The following SNX19 variants were observed in gnomAD, a reference collection of about 807,000 sequenced individuals.
The protein encoded by SNX19 is sorting nexin-19.
In SNX19, 60 loss-of-function variants were observed where a neutral mutation model predicts 85.2. The observed-to-expected ratio is 0.70, with a 90% confidence interval of 0.57 to 0.87. The LOEUF (loss-of-function observed/expected upper bound fraction) is 0.87. Among genes scored for constraint, SNX19 ranks in the 40% least tolerant of loss-of-function variants. SNX19 has a pLI of 0.00. For synonymous variants in SNX19, 520 were observed against 470.0 expected (o/e 1.11, Z -1.38); for missense variants, 1,201 against 1,217.8 (o/e 0.99, Z 0.21).
rs774977610 is a variant in SNX19, at chr11:130,914,524, T to C, written c.1416A>G (p.Pro472=). Residue 472 remains proline (P), a synonymous_variant, in exon 1 of 11, where the codon CCA becomes CCG. Coordinates refer to ENST00000265909, the MANE Select transcript of SNX19 (RefSeq NM_014758.3). ...TASVTALLEG[P]EKTCPSRPSC... is the part of the protein sequence containing the mutation. ...ACGGCCGTGAGGGGCAGGTCTTTTC[T>C]GGCCCCTCCAGCAAAGCTGTAACAG... 9 of 1,613,878 alleles carry C rather than the reference T, an allele frequency of 5.6e-6. No individual in the cohort carries two copies. In the Admixed American group the frequency reaches 6.7e-5, roughly 12 times the overall value.
Position 130,878,276 on chromosome 11 carries a change from G to A in SNX19, c.*146C>T. 1 of 820,538 alleles carries A rather than the reference G, an allele frequency of 1.2e-6. No homozygotes were observed. Among genetic ancestry groups the A allele is most frequent in the South Asian group, 2.3e-5 (1 of 43,858 alleles). 50.8% of individuals were successfully genotyped at this position (820,538 alleles called of 1,614,324 possible). A position where few individuals can be genotyped will look rare whatever the true frequency, so the allele number is the denominator to read the frequency against. ...AGACCCCTGTCACCTGCTACAAATG[G>A]AGCAGAAGTGGGAGAGAAGTGAGCC... On this transcript the variant is annotated 3_prime_UTR_variant, in exon 11 of 11. Coordinates refer to ENST00000265909, the MANE Select transcript of SNX19 (RefSeq NM_014758.3).
chr11:130,893,268 TTAGAGTG>T (rs1424533699), intron 8 of SNX19, among the ~76,000 whole-genome samples: 1 of 152,056 alleles, frequency 6.6e-6, no homozygotes, highest in Non-Finnish European at 1.5e-5. Context: ...GATAACAGAT[TTAGAGTG>T]TGCTCAGCCA....
chr11:130,893,998 C>A (rs1944688557), intron 8 of SNX19: 1 of 574,566 alleles, frequency 1.7e-6, no homozygotes, highest in Non-Finnish European at 3.1e-6. Flanking sequence ...TTCTCCAAAA[C>A]CAAGTTAATG....
In SNX19 at chr11:130,870,585, CAA is replaced by C. The variant is rs933655340; in HGVS notation, c.*7835_*7836del. Among the ~76,000 whole-genome samples the C allele has an allele frequency of 2.0e-5, 3 of 152,202 alleles. No individual in the cohort carries two copies. The highest frequency in any genetic ancestry group is 7.2e-5 in the African/African-American group (3 of 41,450). On this transcript the variant is annotated 3_prime_UTR_variant, in exon 11 of 11. Coordinates refer to ENST00000265909, the MANE Select transcript of SNX19 (RefSeq NM_014758.3). ...CTCCACTGGAATAAGTGGTTAATCT[CAA>C]AGAGGTTTACGGTGGTTTCTCCACA... is the stretch of plus-strand genomic sequence containing the variant.
Position 130,902,896 on chromosome 11 carries a change from A to G in SNX19, c.2573+359T>C, listed in dbSNP as rs75274170. ...CACTGTTTATCATCACAGTGATGAC[A>G]TAATGTCAGTTGAGACAAATGTCCA... On this transcript the variant is annotated intron_variant, in intron 8 of 10. Coordinates refer to ENST00000265909, the MANE Select transcript of SNX19 (RefSeq NM_014758.3). 1.2e-3 allele frequency among the ~76,000 whole-genome samples: 184 copies of G among 152,340 alleles called. 3 individuals are homozygous for G. In the East Asian group the frequency reaches 0.024, roughly 20 times the overall value.
rs542818287 is a variant in SNX19, at chr11:130,872,280, G to A, written c.*6142C>T. 2.0e-5 allele frequency among the ~76,000 whole-genome samples: 3 copies of A among 152,236 alleles called. No homozygotes were observed. The highest frequency in any genetic ancestry group is 1.3e-4 in the Admixed American group (2 of 15,298). The stretch of plus-strand genomic sequence containing the variant: ...GACAGGGAGGCAGTGCAAAGGCTCC[G>A]CAAGTCTGAAAATAGCATAGTGTGT... On this transcript the variant is annotated 3_prime_UTR_variant, in exon 11 of 11. Coordinates refer to ENST00000265909, the MANE Select transcript of SNX19 (RefSeq NM_014758.3).
At chr11:130,886,425 C>T (rs184551309) in intron 8 of SNX19, among the ~76,000 whole-genome samples, 3 of 152,244 alleles carry the variant, frequency 2.0e-5, no homozygotes, top group African/African-American at 7.2e-5. Flanking sequence ...TTGAAAAACA[C>T]TCATGCAGTG....
intron 7 of SNX19, among the ~76,000 whole-genome samples, chr11:130,905,131 T>C (rs1945565139): frequency 6.6e-6 from 1 of 152,252 alleles, no homozygotes; most frequent in South Asian, 2.1e-4. Flanking sequence ...TTTTAAGTTC[T>C]TGTTCAGTAA....
chr11:130,910,156 C>G lies in SNX19; in HGVS notation c.1915-19G>C. On this transcript the variant is annotated intron_variant, in intron 3 of 10. Coordinates refer to ENST00000265909, the MANE Select transcript of SNX19 (RefSeq NM_014758.3). ...AGAGTTGCTGCAAAAGTAAAACACA[C>G]ACACATTTTAAAGAGAAATTCCAGT... The G allele has an allele frequency of 6.2e-7, 1 of 1,614,098 alleles. No individual in the cohort carries two copies. The highest frequency in any genetic ancestry group is 8.5e-7 in the Non-Finnish European group (1 of 1,179,990).
In SNX19 at chr11:130,876,112, TTAAA is replaced by T. The variant is rs1348000907; in HGVS notation, c.*2306_*2309del. ...TTATTTCAAATATCAAAATTCTGAC[TTAAA>T]TGAATAAAATTTAGTCACGAGTAAA... On this transcript the variant is annotated 3_prime_UTR_variant, in exon 11 of 11. Transcript: ENST00000265909. The T allele has an allele frequency of 6.6e-6, 1 of 152,204 alleles. No homozygotes were observed. Among genetic ancestry groups the T allele is most frequent in the African/African-American group, 2.4e-5 (1 of 41,452 alleles). The allele number at this position is 152,204 out of a possible 1,614,324, so 9.4% of individuals were successfully genotyped here. A position where few individuals can be genotyped will look rare whatever the true frequency, so the allele number is the denominator to read the frequency against.
chr11:130,916,100 CGA>C lies in SNX19; in HGVS notation c.-163_-162del, dbSNP rs1946568725. ...TCAAAGTCCTACAGGCACTGCAAAG[CGA>C]CAGCTGCAGCTCCGCGTCTCCCCAT... On this transcript the variant is annotated 5_prime_UTR_variant, in exon 1 of 11. An upstream open reading frame in the 5' UTR loses its in-frame stop. Transcript: ENST00000265909. The C allele has an allele frequency of 1.6e-6, 1 of 631,458 alleles. No individual in the cohort carries two copies. Among genetic ancestry groups the C allele is most frequent in the Non-Finnish European group, 2.7e-6 (1 of 364,538 alleles). 39.1% of individuals were successfully genotyped at this position (631,458 alleles called of 1,614,324 possible). A position where few individuals can be genotyped will look rare whatever the true frequency, so the allele number is the denominator to read the frequency against.
rs1254350937 is a variant in SNX19, at chr11:130,870,832, G to C, written c.*7590C>G. ...TAGGTATATACATATAGTTGGGGGG[G>C]GGGCATAAGGACATAATAGGACTAA... On this transcript the variant is annotated 3_prime_UTR_variant, in exon 11 of 11. Transcript: ENST00000265909. Among the ~76,000 whole-genome samples, 3 of 151,380 alleles carry C rather than the reference G, an allele frequency of 2.0e-5. No homozygotes were observed. Among genetic ancestry groups the C allele is most frequent in the Admixed American group, 1.3e-4 (2 of 15,210 alleles).
At position 130,910,250 on chromosome 11, in the gene SNX19, C is replaced by G; in HGVS notation, c.1914+20G>C. 6.2e-7 allele frequency: 1 copy of G among 1,612,940 alleles called. No homozygotes were observed. The highest frequency in any genetic ancestry group is 1.1e-5 in the South Asian group (1 of 90,960). ...ACCCAGGTTAAAGTGAGAACAAGGC[C>G]AAAAGAGAAGGATGCTGACCTTTAG... On this transcript the variant is annotated intron_variant, in intron 3 of 10. Transcript: ENST00000265909.
At chr11:130,882,821 T>A (rs1334989798) in intron 8 of SNX19, among the ~76,000 whole-genome samples, 1 of 152,206 alleles carries the variant, frequency 6.6e-6, no homozygotes, top group Non-Finnish European at 1.5e-5. Flanking sequence ...CTGCAATTTT[T>A]GCTGAGGAGA....
In SNX19 at chr11:130,876,564, T is replaced by C. The variant is rs1028648323; in HGVS notation, c.*1858A>G. On this transcript the variant is annotated 3_prime_UTR_variant, in exon 11 of 11. Coordinates refer to ENST00000265909, the MANE Select transcript of SNX19 (RefSeq NM_014758.3). Reference sequence around the variant, plus strand: ...CATTTGAGCCAGAACTGGCAGCAGATTCAAAGCAACACAGGTGGCTAAGTA... The same window carrying C: ...CATTTGAGCCAGAACTGGCAGCAGACTCAAAGCAACACAGGTGGCTAAGTA... 1 of 151,700 alleles carries C rather than the reference T, an allele frequency of 6.6e-6. No individual in the cohort carries two copies. Among genetic ancestry groups the C allele is most frequent in the Non-Finnish European group, 1.5e-5 (1 of 67,950 alleles). The allele number at this position is 151,700 out of a possible 1,614,324, so 9.4% of individuals were successfully genotyped here.
intron 4 of SNX19, chr11:130,908,305 A>G (rs1945832095): frequency 2.7e-6 from 1 of 376,570 alleles, no homozygotes; most frequent in South Asian, 8.8e-5. Flanking sequence ...TTGAGGAGTA[A>G]AACAAACAAC....
chr11:130,882,196 C>A (rs1943725296), intron 8 of SNX19, among the ~76,000 whole-genome samples: 1 of 152,148 alleles, frequency 6.6e-6, no homozygotes, highest in Non-Finnish European at 1.5e-5. Flanking sequence ...CTGTTGAGGC[C>A]TCCCCTTCAC....
intron 2 of SNX19, among the ~76,000 whole-genome samples, 197 bp from the exon 3 acceptor site, chr11:130,910,567 G>A (rs1946028526): frequency 1.3e-5 from 2 of 152,112 alleles, no homozygotes; most frequent in Non-Finnish European, 2.9e-5. Flanking sequence ...GGGCTCTGAA[G>A]TCCAGAGACC....
In SNX19 at chr11:130,880,693, G is replaced by C; in HGVS notation, c.2687C>G (p.Pro896Arg). 1 of 1,612,558 alleles carries C rather than the reference G, an allele frequency of 6.2e-7. No individual in the cohort carries two copies. The highest frequency in any genetic ancestry group is 8.5e-7 in the Non-Finnish European group (1 of 1,178,836). The change falls in exon 9 of 11, where the codon CCC becomes CGC. Residue 896 changes from proline to arginine, a missense_variant. Physicochemically the swap from Pro to Arg is moderately radical, Grantham distance 103 (BLOSUM62 -2). This residue lies in a region of SNX19 where 285 missense variants were observed against 295.3 expected (regional missense o/e 0.97). Coordinates refer to ENST00000265909, the MANE Select transcript of SNX19 (RefSeq NM_014758.3). ...CAGTTTCTGCTCTTGGGTCCTTACG[G>C]GCCGTGGAAACTTAGGCAAAACTCC... is the stretch of plus-strand genomic sequence containing the variant. ...PGGVLPKFPR[P>R]VRTQEQKLAA...
Sources: allele counts gnomAD v4.1 joint callset (sites outside exome capture counted in the v4.1 genomes callset), GRCh38; gene constraint gnomAD v4.1.1; regional missense constraint gnomAD v4.1.1; transcripts MANE v1.5; gene names NCBI Gene and HGNC (gene_info 2026-07-23, HGNC 2026-07-21).